Variants in ZNF385D observed in about 807,000 individuals in gnomAD.
The protein encoded by ZNF385D is zinc finger protein 659.
ZNF385D carries 15 observed loss-of-function variants against 35.8 expected under a neutral mutation model. The observed-to-expected ratio is 0.42, with a 90% CI of 0.28 to 0.64. ZNF385D has a LOEUF of 0.64. Ranked by LOEUF, ZNF385D falls within the 30% of genes least tolerant of loss-of-function variation. The pLI, the probability that ZNF385D is intolerant of heterozygous loss-of-function variation, is 0.23. For missense variants in ZNF385D, 474 were observed against 494.6 expected, an observed-to-expected ratio of 0.96 and a Z score of 0.39; for synonymous variants, 212 against 186.8, an observed-to-expected ratio of 1.13 and a Z score of -1.10.
chr3:22,232,395 T>A (rs933754787), intron 2 of ZNF385D, among the ~76,000 whole-genome samples: 1 of 152,152 alleles, frequency 6.6e-6, no homozygotes, highest in Non-Finnish European at 1.5e-5. Flanking sequence ...TTTCTTCTTT[T>A]AAAATTATAC....
intron 2 of ZNF385D, among the ~76,000 whole-genome samples, chr3:22,176,379 T>G (rs957902105): frequency 6.6e-6 from 1 of 152,170 alleles, no homozygotes; most frequent in South Asian, 2.1e-4. Context: ...CTAACTTAAA[T>G]ATCACTTAGG....
intron 3 of ZNF385D, among the ~76,000 whole-genome samples, chr3:21,763,898 C>G (rs1432563184): frequency 6.6e-6 from 1 of 152,108 alleles, no homozygotes; most frequent in Non-Finnish European, 1.5e-5. Context: ...AGTCATTGAA[C>G]ATCCATTTGT....
intron 2 of ZNF385D, among the ~76,000 whole-genome samples, chr3:22,279,935 A>C (rs1701652466): frequency 6.6e-6 from 1 of 151,950 alleles, no homozygotes; most frequent in Non-Finnish European, 1.5e-5. Flanking sequence ...CACCACATCC[A>C]TGCCAACATC....
At chr3:22,177,729 C>A (rs1694931256) in intron 2 of ZNF385D, among the ~76,000 whole-genome samples, 2 of 152,120 alleles carry the variant, frequency 1.3e-5, no homozygotes, top group Admixed American at 6.6e-5. Flanking sequence ...GCTATCTCTC[C>A]CCTCTCCCCA....
intron 2 of ZNF385D, among the ~76,000 whole-genome samples, chr3:21,604,329 C>T (rs1053999347): frequency 1.3e-5 from 2 of 152,120 alleles, no homozygotes; most frequent in African/African-American, 4.8e-5. Context: ...AAATTGACTG[C>T]CAATGTGAAG....
At chr3:22,023,122 T>G (rs540730542) in intron 3 of ZNF385D, among the ~76,000 whole-genome samples, 2 of 152,180 alleles carry the variant, frequency 1.3e-5, no homozygotes, top group Non-Finnish European at 2.9e-5. Context: ...CCATGTCTTA[T>G]GGAGGGCACA....
intron 2 of ZNF385D, among the ~76,000 whole-genome samples, chr3:22,229,735 A>C (rs1349384196): frequency 1.3e-5 from 2 of 152,124 alleles, no homozygotes; most frequent in African/African-American, 4.8e-5. Context: ...ACAAGTGGTC[A>C]CTCAAACATT....
At chr3:22,280,324 T>C (rs1362691495) in intron 2 of ZNF385D, among the ~76,000 whole-genome samples, 1 of 152,026 alleles carries the variant, frequency 6.6e-6, no homozygotes, top group Non-Finnish European at 1.5e-5. Context: ...TGCTTTTGGG[T>C]TCTTGGTCAC....
intron 3 of ZNF385D, among the ~76,000 whole-genome samples, chr3:22,147,987 T>C (rs750128858): frequency 2.3e-4 from 35 of 152,180 alleles, no homozygotes; most frequent in Non-Finnish European, 3.4e-4. Context: ...TGACATGGAG[T>C]AAATACTTCA....
chr3:21,466,491 A>G (rs1703524893), intron 4 of ZNF385D, among the ~76,000 whole-genome samples: 1 of 152,180 alleles, frequency 6.6e-6, no homozygotes, highest in Non-Finnish European at 1.5e-5. Flanking sequence ...AGGATACCCT[A>G]CAATGGGCTA....
At chr3:22,087,263 G>C (rs1040459981) in intron 3 of ZNF385D, among the ~76,000 whole-genome samples, 1 of 151,796 alleles carries the variant, frequency 6.6e-6, no homozygotes, top group Admixed American at 6.6e-5. Context: ...TATAAAATAG[G>C]CATTTGACAG....
intron 3 of ZNF385D, among the ~76,000 whole-genome samples, chr3:22,029,084 G>A (rs1164049029): frequency 2.0e-5 from 3 of 152,068 alleles, no homozygotes; most frequent in African/African-American, 7.2e-5. Context: ...TGGCCTAGAG[G>A]TCTTAGTTCC....
At chr3:21,748,485 T>G (rs1345462601) in intron 1 of ZNF385D, among the ~76,000 whole-genome samples, 3 of 152,138 alleles carry the variant, frequency 2.0e-5, no homozygotes, top group African/African-American at 7.2e-5. Flanking sequence ...AATATCCCGC[T>G]TTCATATCAA....
chr3:22,007,793 T>C (rs1476090697), intron 3 of ZNF385D, among the ~76,000 whole-genome samples: 1 of 150,034 alleles, frequency 6.7e-6, no homozygotes, highest in Non-Finnish European at 1.5e-5. Flanking sequence ...TGCCTTTTGA[T>C]ATGATATATA....
At chr3:22,066,376 G>A (rs1699952402) in intron 3 of ZNF385D, among the ~76,000 whole-genome samples, 1 of 150,852 alleles carries the variant, frequency 6.6e-6, no homozygotes, top group African/African-American at 2.4e-5. Flanking sequence ...GTGTGTGTGT[G>A]TATGTAAAAA....
At chr3:22,357,607 A>AG (rs1423298064) in intron 2 of ZNF385D, among the ~76,000 whole-genome samples, 1 of 151,180 alleles carries the variant, frequency 6.6e-6, no homozygotes, top group Non-Finnish European at 1.5e-5. Flanking sequence ...AGTAACTTAA[A>AG]GAAAAAAAAA....
intron 3 of ZNF385D, among the ~76,000 whole-genome samples, chr3:22,013,052 A>G (rs1368779357): frequency 6.6e-6 from 1 of 152,168 alleles, no homozygotes; most frequent in Non-Finnish European, 1.5e-5. Flanking sequence ...TAAGAAATGT[A>G]TGGAAGATTT....
intron 3 of ZNF385D, among the ~76,000 whole-genome samples, chr3:22,132,761 T>C (rs116166151): frequency 0.041 from 6,200 of 152,170 alleles, 376 homozygotes; most frequent in African/African-American, 0.13. Context: ...TTTACCCATG[T>C]CTTTATCTAA....
At chr3:22,120,933 A>G (rs1327761186) in intron 3 of ZNF385D, among the ~76,000 whole-genome samples, 1 of 152,174 alleles carries the variant, frequency 6.6e-6, no homozygotes, top group Admixed American at 6.6e-5. Flanking sequence ...ACACCCATAA[A>G]CCAAAATGAA....
Sources: gnomAD v4.1 joint callset for allele counts (sites outside exome capture counted in the v4.1 genomes callset) on GRCh38, gnomAD v4.1.1 for gene constraint, MANE v1.5 for transcripts, NCBI Gene and HGNC (gene_info 2026-07-23, HGNC 2026-07-21) for gene names.